LRRC49: variants seen among roughly 807,000 people sequenced by gnomAD.
The protein encoded by LRRC49 is leucine-rich repeat-containing protein 49.
In LRRC49, 50 loss-of-function variants were observed where a neutral mutation model predicts 83.3. That is an observed-to-expected ratio of 0.60 (90% CI 0.48 to 0.76). The LOEUF is 0.76. LRRC49 is among the 30% of genes least tolerant of loss of function. The pLI is 0.00. For missense variants in LRRC49, 704 were observed against 809.1 expected (o/e 0.87, Z 1.58); for synonymous variants, 286 against 283.3 (o/e 1.01, Z -0.10).
intron 7 of LRRC49, among the ~76,000 whole-genome samples, chr15:70,923,308 C>G (rs1037395180): frequency 8.6e-5 from 13 of 151,714 alleles, no homozygotes; most frequent in Non-Finnish European, 1.5e-4. Context: ...TTATTTATTG[C>G]CTGGTATGTG....
intron 11 of LRRC49, among the ~76,000 whole-genome samples, chr15:71,007,709 GTATATA>G (rs55946096): frequency 0.11 from 15,315 of 137,304 alleles, 875 homozygotes; most frequent in Middle Eastern, 0.17. Context: ...TGAGAAGCAT[GTATATA>G]TATATATATA....
At chr15:70,949,433 A>G (rs1164066002) in intron 8 of LRRC49, among the ~76,000 whole-genome samples, 1 of 152,210 alleles carries the variant, frequency 6.6e-6, no homozygotes. Context: ...TGCCAGTCAT[A>G]TCAAAGCGTA....
At chr15:71,004,746 G>C (rs1241293457) in intron 11 of LRRC49, among the ~76,000 whole-genome samples, 1 of 152,026 alleles carries the variant, frequency 6.6e-6, no homozygotes, top group African/African-American at 2.4e-5. Context: ...GTTATTTTCA[G>C]GGACATGGAT....
chr15:71,008,688 G>C, intron 12 of LRRC49, 72 bp downstream of exon 12: 1 of 1,017,926 alleles, frequency 9.8e-7, no homozygotes, highest in East Asian at 2.4e-5. Context: ...CCAAAGACCT[G>C]TTTTAACTTG....
chr15:70,873,132 G>A (rs948969345), exon 2 of LRRC49: 240 of 1,288,204 alleles, frequency 1.9e-4, no homozygotes, highest in Middle Eastern at 1.3e-3. Flanking sequence ...TGATCCACCC[G>A]CCTTGGCCTC....
intron 14 of LRRC49, among the ~76,000 whole-genome samples, chr15:71,025,556 C>T (rs965112536): frequency 1.3e-5 from 2 of 152,080 alleles, no homozygotes; most frequent in Admixed American, 1.3e-4. Flanking sequence ...AATTAAAAGA[C>T]ACAGAATGGC....
intron 14 of LRRC49, among the ~76,000 whole-genome samples, chr15:71,016,050 G>A (rs1355581845): frequency 6.6e-6 from 1 of 152,128 alleles, no homozygotes; most frequent in African/African-American, 2.4e-5. Flanking sequence ...GGGCATATGT[G>A]TCAAAGATAC....
In LRRC49 at chr15:71,037,193, G is replaced by A. The variant is rs149509591; in HGVS notation, c.1718G>A (p.Arg573Gln). The A allele has an allele frequency of 1.2e-4, 193 of 1,604,086 alleles. No individual in the cohort carries two copies. The highest frequency in any genetic ancestry group is 3.3e-4 in the Middle Eastern group (2 of 5,986). Residue 573 changes from arginine to glutamine, a missense_variant, in exon 15 of 16, where the codon CGG (arginine) becomes CAG (glutamine). Arg to Gln is a conservative substitution (Grantham distance 43, BLOSUM62 1). Around this residue, in one of 3 missense-constraint regions of LRRC49, gnomAD observed 275 missense variants for 338.0 expected, o/e 0.81. Coordinates refer to ENST00000260382, the MANE Select transcript of LRRC49 (RefSeq NM_017691.5). ...TCTTTCTACAGGAAAAAGCAATTTC[G>A]GTATCTACTAGAATCCAAAGGAAAA... ...ILGDARKKQF[R>Q]YLLESKGKKP...
intron 5 of LRRC49, among the ~76,000 whole-genome samples, chr15:70,905,779 C>T (rs996861203): frequency 4.2e-4 from 64 of 152,144 alleles, no homozygotes; most frequent in African/African-American, 1.5e-3. Flanking sequence ...TCTGTGTCTT[C>T]ATTCCCTTTT....
At chr15:70,930,439 G>A (rs1233604361) in intron 7 of LRRC49, among the ~76,000 whole-genome samples, 1 of 152,162 alleles carries the variant, frequency 6.6e-6, no homozygotes, top group Non-Finnish European at 1.5e-5. Context: ...TGTTTATAGA[G>A]CACAGGCACA....
chr15:71,027,373 G>A (rs1339007979), intron 14 of LRRC49, among the ~76,000 whole-genome samples: 3 of 152,146 alleles, frequency 2.0e-5, no homozygotes, highest in Admixed American at 1.3e-4. Context: ...AAGTCAGGTA[G>A]CGTGATGCCT....
At chr15:70,957,908 T>C (rs574969460) in intron 8 of LRRC49, among the ~76,000 whole-genome samples, 7 of 152,218 alleles carry the variant, frequency 4.6e-5, no homozygotes, top group Non-Finnish European at 2.9e-5. Context: ...TTTTATAGTT[T>C]AAAATTTCTC....
At chr15:70,860,509 G>C (rs961887325) in intron 1 of LRRC49, among the ~76,000 whole-genome samples, 2 of 152,136 alleles carry the variant, frequency 1.3e-5, no homozygotes, top group Non-Finnish European at 2.9e-5. Flanking sequence ...TAAACTCCTG[G>C]GCTCAAGCTA....
At chr15:70,906,761 T>C (rs2034331962) in intron 5 of LRRC49, among the ~76,000 whole-genome samples, 1 of 152,248 alleles carries the variant, frequency 6.6e-6, no homozygotes, top group African/African-American at 2.4e-5. Context: ...ACTTAATGCC[T>C]TTCTACTATG....
rs980712500 is a variant in LRRC49, at chr15:70,965,842, G to A, written c.921+1910G>A. 5.3e-5 allele frequency among the ~76,000 whole-genome samples: 8 copies of A among 151,890 alleles called. No homozygotes were observed. The East Asian group carries it at 1.5e-3, about 29-fold the overall frequency. On this transcript the variant is annotated intron_variant, in intron 9 of 15. Coordinates refer to ENST00000260382, the MANE Select transcript of LRRC49 (RefSeq NM_017691.5). ...TCATTCATATCTATATGGACTTATG[G>A]TATTTAGTCTCGTCTTTTATTTATA...
intron 3 of LRRC49, among the ~76,000 whole-genome samples, chr15:70,897,680 C>CAT (rs561200476): frequency 6.8e-4 from 104 of 152,246 alleles, no homozygotes; most frequent in Non-Finnish European, 1.2e-3. Flanking sequence ...ATTAATCAAA[C>CAT]ATATCATAGC....
intron 14 of LRRC49, among the ~76,000 whole-genome samples, chr15:71,013,815 A>G (rs1162714790): frequency 6.6e-6 from 1 of 152,182 alleles, no homozygotes; most frequent in East Asian, 1.9e-4. Context: ...CCATAGAACA[A>G]GCCCACAAAG....
intron 14 of LRRC49, among the ~76,000 whole-genome samples, chr15:71,030,098 C>G (rs934774099): frequency 6.6e-6 from 1 of 152,170 alleles, no homozygotes; most frequent in Non-Finnish European, 1.5e-5. Flanking sequence ...TTAGTTGATG[C>G]AGTTTCTACA....
chr15:70,909,771 G>A (rs1022681797), intron 5 of LRRC49, among the ~76,000 whole-genome samples: 1 of 151,474 alleles, frequency 6.6e-6, no homozygotes, highest in Non-Finnish European at 1.5e-5. Flanking sequence ...CCTGAGAGGC[G>A]GAGGTTGCAG....
Sources: allele counts gnomAD v4.1 joint callset (sites outside exome capture counted in the v4.1 genomes callset), GRCh38; gene constraint gnomAD v4.1.1; regional missense constraint gnomAD v4.1.1; transcripts MANE v1.5; gene names NCBI Gene and HGNC (gene_info 2026-07-23, HGNC 2026-07-21).